LY6G5B: variants seen among roughly 807,000 people sequenced by gnomAD.
The protein encoded by LY6G5B is lymphocyte antigen 6 complex locus protein G5b.
A neutral mutation model predicts 6.7 loss-of-function variants in LY6G5B; 6 were observed. The ratio of observed to expected loss-of-function variants is 0.89; its 90% confidence interval spans 0.49 to 1.76. LY6G5B has a LOEUF of 1.76. LY6G5B is among the 40% of genes most tolerant of loss of function. LY6G5B has a pLI of 0.01. For missense variants in LY6G5B, 240 were observed against 249.5 expected (o/e 0.96, Z 0.26); for synonymous variants, 98 against 99.4 (o/e 0.99, Z 0.09).
At chr6:31,670,108 T>G (rs1475955181), upstream of LY6G5B, 14 of 623,224 alleles carry the variant, frequency 2.2e-5, no homozygotes, top group Non-Finnish European at 3.5e-5. Flanking sequence ...GAAGGGAAGG[T>G]GATGGTGTGT....
At chr6:31,672,679 C>T (rs1401074957) in exon 3 of LY6G5B, 3 of 190,550 alleles carry the variant, frequency 1.6e-5, no homozygotes, top group African/African-American at 2.4e-5. Context: ...CTCCTGACCT[C>T]GTAATCTGCC....
intron 1 of LY6G5B, 57 bp downstream of exon 1, chr6:31,671,065 G>T: frequency 6.2e-7 from 1 of 1,609,936 alleles, no homozygotes; most frequent in African/African-American, 1.3e-5. Context: ...CAGGAAGGGG[G>T]TGGAGCGTGG....
rs1199460329 is a variant in LY6G5B, at chr6:31,670,240, G to A, written c.-711G>A. ...AGCAGAACAGAATTCCTAGGACTGC[G>A]TGTGATGAAATGCAAGGTCAAAAGG... On this transcript the variant is annotated 5_prime_UTR_variant, in exon 1 of 3. It adds an upstream start codon to the 5' untranslated region. Coordinates refer to ENST00000375864, the Ensembl canonical transcript of LY6G5B. 8.3e-6 allele frequency: 3 copies of A among 363,002 alleles called. No individual in the cohort carries two copies. The highest frequency in any genetic ancestry group is 1.8e-4 in the South Asian group (2 of 11,418). 22.5% of individuals were successfully genotyped at this position (363,002 alleles called of 1,614,324 possible).
Position 31,671,155 on chromosome 6 carries a change from G to T in LY6G5B, c.59-1G>T, listed in dbSNP as rs1296640613. 5 of 1,614,056 alleles carry T rather than the reference G, an allele frequency of 3.1e-6. No individual in the cohort carries two copies. The highest frequency in any genetic ancestry group is 1.7e-5 in the Admixed American group (1 of 60,020). On this transcript the variant is annotated splice_acceptor_variant, in intron 1 of 2. Transcript: ENST00000375864. LOFTEE classifies it high-confidence loss of function. ...CTCCATCCCTCCTTCTGCCTCCCCA[G>T]TTCCTGTTCCCGACATCCGGACGTG... is the stretch of plus-strand genomic sequence containing the variant.
At chr6:31,671,902 T>C in exon 3 of LY6G5B, 2 of 1,613,080 alleles carry the variant, frequency 1.2e-6, no homozygotes, top group Non-Finnish European at 1.7e-6. Flanking sequence ...CTGTGGACAG[T>C]ACATTTCCTA....
exon 1 of LY6G5B, chr6:31,670,436 G>C (rs948763432): frequency 1.2e-5 from 2 of 172,550 alleles, no homozygotes; most frequent in Non-Finnish European, 1.2e-5. Flanking sequence ...GACAAGGTCC[G>C]GAATTGCTGC....
chr6:31,670,821 G>T (rs1328514821), exon 1 of LY6G5B: 1 of 917,604 alleles, frequency 1.1e-6, no homozygotes, highest in African/African-American at 1.7e-5. Flanking sequence ...ATATAGCTCT[G>T]CATTTACAGC....
Position 31,671,334 on chromosome 6 carries a change from GTCT to G in LY6G5B, c.187+54_187+56del, listed in dbSNP as rs775652325. 3.1e-6 allele frequency: 5 copies of G among 1,610,420 alleles called. 1 individual carries two copies. The highest frequency in any genetic ancestry group is 1.1e-5 in the South Asian group (1 of 91,072). ...TGCTGGTGGGGCAGCCAATGGCTTG[GTCT>G]TCTCTCCTCTCACAGATCAGGGCTG... On this transcript the variant is annotated intron_variant, in intron 2 of 2. Transcript: ENST00000375864.
rs1802158176 is a variant in LY6G5B at position 31,670,898 on chromosome 6, G to A, written c.-53G>A. 1.9e-6 allele frequency: 3 copies of A among 1,540,190 alleles called. No individual in the cohort carries two copies. Among genetic ancestry groups the A allele is most frequent in the Non-Finnish European group, 1.8e-6 (2 of 1,141,600 alleles). ...GATTAAGGAGCATGGTCACAGGAAG[G>A]TGGGGTTTCAGGGCATCCCCTCAGG... On this transcript the variant is annotated 5_prime_UTR_variant, in exon 1 of 3. In the 5' UTR this introduces an upstream ATG that the reference lacks. Coordinates refer to ENST00000375864, the Ensembl canonical transcript of LY6G5B.
At chr6:31,671,161 G>A in exon 2 of LY6G5B, 1 of 1,614,062 alleles carries the variant, frequency 6.2e-7, no homozygotes, top group Non-Finnish European at 8.5e-7. Context: ...CCCAGTTCCT[G>A]TTCCCGACAT....
chr6:31,671,910 C>T (rs1802251670), exon 3 of LY6G5B: 1 of 1,613,074 alleles, frequency 6.2e-7, no homozygotes, highest in South Asian at 1.1e-5. Flanking sequence ...AGTACATTTC[C>T]TACCGCTGCC....
At chr6:31,670,805 G>C in exon 1 of LY6G5B, 1 of 788,144 alleles carries the variant, frequency 1.3e-6, no homozygotes, top group Non-Finnish European at 2.0e-6. Context: ...CCTGCCCCAA[G>C]TAGGAATATA....
At chr6:31,671,930 G>C in exon 3 of LY6G5B, 1 of 1,613,018 alleles carries the variant, frequency 6.2e-7, no homozygotes. Flanking sequence ...CAAGAAAAAC[G>C]CAACACCTAC....
chr6:31,672,752 G>A (rs1393257163), exon 3 of LY6G5B: 3 of 161,634 alleles, frequency 1.9e-5, no homozygotes, highest in South Asian at 1.7e-4. Flanking sequence ...CTGAGCTCTG[G>A]TGCTGTTCTT....
At chr6:31,671,424 C>T (rs2151193034) in intron 2 of LY6G5B, 140 bp downstream of exon 2, 4 of 1,292,802 alleles carry the variant, frequency 3.1e-6, no homozygotes, top group Non-Finnish European at 4.3e-6. Context: ...GCCTGTAACC[C>T]TAGCACTTTG....
At chr6:31,672,155 C>G in exon 3 of LY6G5B, 1 of 1,613,124 alleles carries the variant, frequency 6.2e-7, no homozygotes, top group Non-Finnish European at 8.5e-7. Context: ...GGCCTGGACC[C>G]CATGGTCACA....
chr6:31,671,326 A>G (rs752138452), intron 2 of LY6G5B, 42 bp downstream of exon 2: 2 of 1,611,316 alleles, frequency 1.2e-6, no homozygotes, highest in East Asian at 2.2e-5. Flanking sequence ...GGGGCAGCCA[A>G]TGGCTTGGTC....
exon 3 of LY6G5B, chr6:31,672,177 C>G: frequency 6.2e-7 from 1 of 1,613,132 alleles, no homozygotes; most frequent in Non-Finnish European, 8.5e-7. Context: ...TGTCCCTGAA[C>G]CTGGGCTTGT....
exon 1 of LY6G5B, chr6:31,670,836 C>T (rs1583616720): frequency 9.4e-7 from 1 of 1,063,878 alleles, no homozygotes; most frequent in Non-Finnish European, 1.4e-6. Context: ...TACAGCAGCT[C>T]CTGCTCAGAC....
Sources: gnomAD v4.1 joint callset for allele counts on GRCh38, gnomAD v4.1.1 for gene constraint, MANE v1.5 for transcripts, NCBI Gene and HGNC (gene_info 2026-07-23, HGNC 2026-07-21) for gene names.